Variants in NUDCD1 observed in about 807,000 individuals in gnomAD.
The protein encoded by NUDCD1 is nudC domain-containing protein 1.
In NUDCD1, 60 loss-of-function variants were observed where a neutral mutation model predicts 67.8. The ratio of observed to expected loss-of-function variants is 0.88; its 90% CI spans 0.72 to 1.10. The LOEUF (loss-of-function observed/expected upper bound fraction) is 1.10. Ranked by LOEUF, NUDCD1 falls within the 50% of genes least tolerant of loss-of-function variation. The pLI is 0.00. For synonymous variants in NUDCD1, 244 were observed against 230.8 expected (o/e 1.06, Z -0.52); for missense variants, 643 against 695.0 (o/e 0.93, Z 0.84).
intron 1 of NUDCD1, among the ~76,000 whole-genome samples, chr8:109,328,986 T>G (rs1815744016): frequency 1.3e-5 from 2 of 152,158 alleles, no homozygotes; most frequent in Non-Finnish European, 2.9e-5. Context: ...AAACAATTAT[T>G]GCTACATGTA....
At chr8:109,309,857 A>G (rs907456712) in intron 2 of NUDCD1, among the ~76,000 whole-genome samples, 4 of 151,880 alleles carry the variant, frequency 2.6e-5, no homozygotes, top group African/African-American at 9.7e-5. Flanking sequence ...CCCCTTTTAC[A>G]ATAGCTGCCA....
At chr8:109,299,032 C>T (rs1343501330) in intron 2 of NUDCD1, 2 of 152,270 alleles carry the variant, frequency 1.3e-5, no homozygotes, top group Non-Finnish European at 2.9e-5. Context: ...CTGACCTTAC[C>T]TGGAACTGAG....
chr8:109,306,130 C>T (rs1434997407), intron 2 of NUDCD1, among the ~76,000 whole-genome samples: 2 of 152,180 alleles, frequency 1.3e-5, no homozygotes, highest in African/African-American at 4.8e-5. Flanking sequence ...CATAAATGCC[C>T]TGCCCTTGTT....
chr8:109,287,681 C>T (rs930600431), intron 5 of NUDCD1, among the ~76,000 whole-genome samples: 3 of 152,130 alleles, frequency 2.0e-5, no homozygotes, highest in African/African-American at 7.2e-5. Flanking sequence ...GGGTGCTATG[C>T]TCAGTACCTG....
chr8:109,303,166 C>T (rs1815028499), intron 2 of NUDCD1, among the ~76,000 whole-genome samples: 1 of 152,208 alleles, frequency 6.6e-6, no homozygotes, highest in South Asian at 2.1e-4. Flanking sequence ...GTGTGGGACC[C>T]CACTGGAAAT....
chr8:109,250,789 A>C (rs1254698106), intron 8 of NUDCD1, among the ~76,000 whole-genome samples: 1 of 152,196 alleles, frequency 6.6e-6, no homozygotes, highest in Non-Finnish European at 1.5e-5. Flanking sequence ...TTGAATAACA[A>C]AATCAGCTCT....
intron 2 of NUDCD1, among the ~76,000 whole-genome samples, chr8:109,306,595 C>T (rs1013810211): frequency 6.6e-6 from 1 of 151,832 alleles, no homozygotes; most frequent in African/African-American, 2.4e-5. Flanking sequence ...AGGATAGAGT[C>T]CAAAAACTCG....
intron 4 of NUDCD1, among the ~76,000 whole-genome samples, chr8:109,290,443 TAA>T (rs1814685921): frequency 6.6e-6 from 1 of 152,108 alleles, no homozygotes; most frequent in Non-Finnish European, 1.5e-5. Flanking sequence ...AGGTATGTGA[TAA>T]GTTTCTTCTG....
intron 2 of NUDCD1, among the ~76,000 whole-genome samples, chr8:109,309,588 T>C (rs1200201107): frequency 2.0e-5 from 3 of 152,120 alleles, no homozygotes; most frequent in African/African-American, 7.2e-5. Flanking sequence ...CCTCTTCAAA[T>C]AGTACTGGAA....
intron 1 of NUDCD1, chr8:109,329,992 A>G (rs1411686138): frequency 2.6e-6 from 3 of 1,143,582 alleles, no homozygotes; most frequent in Middle Eastern, 2.7e-4. Flanking sequence ...CTAGTCAAGA[A>G]AGGAATCCCT....
chr8:109,306,590 A>G (rs1815110849), intron 2 of NUDCD1, among the ~76,000 whole-genome samples: 1 of 151,960 alleles, frequency 6.6e-6, no homozygotes, highest in Non-Finnish European at 1.5e-5. Flanking sequence ...ACTCAAGGAT[A>G]GAGTCCAAAA....
rs750223765 is a variant in NUDCD1, at chr8:109,243,243, C to G, written c.1518G>C (p.Ser506=). Residue 506 remains serine, a synonymous_variant, in exon 10 of 10, where the codon TCG becomes TCC. Transcript: ENST00000239690. ...GAAGGCACTCACAAAGGGCTGCATA[C>G]GAGTAATTTGGAGCACAGGCAAAAA... The part of the protein sequence containing the change: ...KKFFACAPNY[S]YAALCECLRR... 3 of 1,608,664 alleles carry G rather than the reference C, an allele frequency of 1.9e-6. No individual in the cohort carries two copies. Among genetic ancestry groups the G allele is most frequent in the African/African-American group, 2.7e-5 (2 of 74,868 alleles).
intron 2 of NUDCD1, chr8:109,313,869 T>C (rs776622684): frequency 7.9e-5 from 80 of 1,012,658 alleles, no homozygotes; most frequent in Non-Finnish European, 1.0e-4. Flanking sequence ...TCCAATAGAA[T>C]GATTAAGATA....
chr8:109,282,105 C>G (rs571232307), intron 5 of NUDCD1, among the ~76,000 whole-genome samples: 1 of 152,134 alleles, frequency 6.6e-6, no homozygotes, highest in African/African-American at 2.4e-5. Context: ...TCTCCCTCAG[C>G]GCTGGTGTCC....
At chr8:109,297,519 T>A (rs973245860) in intron 2 of NUDCD1, among the ~76,000 whole-genome samples, 1 of 129,010 alleles carries the variant, frequency 7.8e-6, no homozygotes, top group African/African-American at 2.6e-5. Flanking sequence ...AGGGAGTTTG[T>A]CTCTTTTTCC....
chr8:109,253,716 T>C (rs562861757), intron 8 of NUDCD1, among the ~76,000 whole-genome samples: 1 of 152,284 alleles, frequency 6.6e-6, no homozygotes, highest in South Asian at 2.1e-4. Flanking sequence ...CAAAGTACAA[T>C]TAAAATTAAA....
At chr8:109,290,544 T>C (rs894979832) in intron 4 of NUDCD1, among the ~76,000 whole-genome samples, 1 of 152,154 alleles carries the variant, frequency 6.6e-6, no homozygotes, top group Admixed American at 6.5e-5. Flanking sequence ...ATTTTAACAA[T>C]GAAATAAATT....
chr8:109,268,190 T>G (rs1312080464), intron 8 of NUDCD1, among the ~76,000 whole-genome samples: 1 of 152,202 alleles, frequency 6.6e-6, no homozygotes, highest in Non-Finnish European at 1.5e-5. Context: ...TATAACATTC[T>G]AGCTTTTATA....
chr8:109,245,312 T>C lies in NUDCD1; in HGVS notation c.1459+10A>G. On this transcript the variant is annotated intron_variant, in intron 9 of 9. Transcript: ENST00000239690. ...ATTTCATGGAAAATGTCAAAGAGTT[T>C]GCTTTATACCTAAAGCATTGAAAGT... 1 of 1,598,044 alleles carries C rather than the reference T, an allele frequency of 6.3e-7. No individual in the cohort carries two copies. The highest frequency in any genetic ancestry group is 8.5e-7 in the Non-Finnish European group (1 of 1,172,784).
Sources: allele counts gnomAD v4.1 joint callset (sites outside exome capture counted in the v4.1 genomes callset), GRCh38; gene constraint gnomAD v4.1.1; transcripts MANE v1.5; gene names NCBI Gene and HGNC (gene_info 2026-07-23, HGNC 2026-07-21).